TPPP: variants seen among roughly 807,000 people sequenced by gnomAD.
The protein encoded by TPPP is tubulin polymerization promoting protein, also known as tubulin polymerization-promoting protein.
TPPP carries 6 observed loss-of-function variants against 15.5 expected under a neutral mutation model. The ratio of observed to expected loss-of-function variants is 0.39; its 90% confidence interval spans 0.21 to 0.77. The LOEUF (loss-of-function observed/expected upper bound fraction) is 0.77. Ranked by LOEUF, TPPP falls within the 30% of genes least tolerant of loss-of-function variation. TPPP has a pLI of 0.42. For synonymous variants in TPPP, 146 were observed against 133.9 expected, an observed-to-expected ratio of 1.09 and a Z score of -0.63; for missense variants, 269 against 307.2, an observed-to-expected ratio of 0.88 and a Z score of 0.93.
chr5:688,582 TAGAACTGC>T (rs1296867571), intron 1 of TPPP, among the ~76,000 whole-genome samples: 1 of 151,934 alleles, frequency 6.6e-6, no homozygotes, highest in Non-Finnish European at 1.5e-5. Flanking sequence ...CGGCTGGCAC[TAGAACTGC>T]AGGTGGACTG....
chr5:670,333 C>T (rs2126881033), intron 2 of TPPP, among the ~76,000 whole-genome samples: 1 of 152,328 alleles, frequency 6.6e-6, no homozygotes, highest in African/African-American at 2.4e-5. Flanking sequence ...CCCCTGGGCT[C>T]TCTGGGCCTG....
chr5:676,927 C>A (rs984873625), intron 2 of TPPP, among the ~76,000 whole-genome samples: 12 of 145,456 alleles, frequency 8.2e-5, no homozygotes, highest in African/African-American at 3.3e-4. Flanking sequence ...CGCAGAAACG[C>A]ACGCGCGCAC....
chr5:692,860 C>T lies in TPPP; in HGVS notation c.-5+418G>A, dbSNP rs1026627240. On this transcript the variant is annotated intron_variant, in intron 1 of 3. Coordinates refer to ENST00000360578, the MANE Select transcript of TPPP (RefSeq NM_007030.3). ...CAGCCCTCCACGCCCTAATTTCCCACGCCTCACACCGGCGGCCCCCTAGGC... is the reference window on the plus strand; with the variant it reads ...CAGCCCTCCACGCCCTAATTTCCCATGCCTCACACCGGCGGCCCCCTAGGC... 17 of 879,594 alleles carry T rather than the reference C, an allele frequency of 1.9e-5. 1 individual carries two copies. The Admixed American group carries it at 1.3e-3, about 69-fold the overall frequency. The allele number at this position is 879,594 out of a possible 1,614,324, so 54.5% of individuals were successfully genotyped here. A position where few individuals can be genotyped will look rare whatever the true frequency, so the allele number is the denominator to read the frequency against.
Position 670,629 on chromosome 5 carries a change from C to T in TPPP, c.312-4506G>A, listed in dbSNP as rs1437774018. Reference sequence around the variant, plus strand: ...GCGGCCTTAGGGGAGCCCTGTCTGGCATCGCCATCCTGCACGTCGCTCCGA... The same window carrying T: ...GCGGCCTTAGGGGAGCCCTGTCTGGTATCGCCATCCTGCACGTCGCTCCGA... On this transcript the variant is annotated intron_variant, in intron 2 of 3. Coordinates refer to ENST00000360578, the MANE Select transcript of TPPP (RefSeq NM_007030.3). 2.6e-5 allele frequency among the ~76,000 whole-genome samples: 4 copies of T among 152,222 alleles called. No individual in the cohort carries two copies. In the Middle Eastern group the frequency reaches 0.01, roughly 388 times the overall value.
At chr5:698,014 G>A (rs544954609), upstream of TPPP, among the ~76,000 whole-genome samples, 12 of 144,948 alleles carry the variant, frequency 8.3e-5, no homozygotes, top group Admixed American at 2.1e-4. Flanking sequence ...TCCCAGGGAC[G>A]CAAATCAATA....
chr5:679,070 C>T (rs912384714), intron 1 of TPPP, among the ~76,000 whole-genome samples: 19 of 152,146 alleles, frequency 1.2e-4, no homozygotes, highest in Non-Finnish European at 2.2e-4. Context: ...ACACAAGAGC[C>T]GGTGGGAGGG....
chr5:685,796 G>A (rs1216771674), intron 1 of TPPP, among the ~76,000 whole-genome samples: 4 of 152,224 alleles, frequency 2.6e-5, no homozygotes, highest in Non-Finnish European at 5.9e-5. Flanking sequence ...GTAGGGATGA[G>A]AAGGCGGGGC....
chr5:679,660 G>A (rs1267887003), intron 1 of TPPP, among the ~76,000 whole-genome samples: 1 of 152,018 alleles, frequency 6.6e-6, no homozygotes, highest in Non-Finnish European at 1.5e-5. Flanking sequence ...GGGTGTGCGG[G>A]TCAGAGAGAA....
chr5:696,866 GTGTCT>G (rs1741021536), upstream of TPPP, among the ~76,000 whole-genome samples: 1 of 100,448 alleles, frequency 1.0e-5, no homozygotes, highest in African/African-American at 3.3e-5. Flanking sequence ...AGCTGTGTGT[GTGTCT>G]ATTTGTGTGT....
intron 2 of TPPP, among the ~76,000 whole-genome samples, chr5:670,373 G>C (rs1273415748): frequency 6.6e-6 from 1 of 152,220 alleles, no homozygotes; most frequent in Non-Finnish European, 1.5e-5. Flanking sequence ...GCCCTGTCCA[G>C]AGGCTGCCAC....
chr5:670,216 G>A (rs972874497), intron 2 of TPPP, among the ~76,000 whole-genome samples: 27 of 152,184 alleles, frequency 1.8e-4, no homozygotes, highest in African/African-American at 1.7e-4. Context: ...CACAGGCCCC[G>A]CTGGGCTCGG....
the TPPP span, among the ~76,000 whole-genome samples, chr5:698,393 A>G: frequency 6.6e-6 from 1 of 152,046 alleles, no homozygotes; most frequent in Non-Finnish European, 1.5e-5. Context: ...CTGTTGGTGA[A>G]ATTATATTCT....
chr5:692,063 T>A (rs1740893760), intron 1 of TPPP, among the ~76,000 whole-genome samples: 1 of 48,754 alleles, frequency 2.1e-5, no homozygotes, highest in Admixed American at 3.5e-4. Context: ...CAACCCCCTA[T>A]CAAAACAGCA....
chr5:671,692 T>C (rs1171704328), intron 2 of TPPP, among the ~76,000 whole-genome samples: 1 of 152,186 alleles, frequency 6.6e-6, no homozygotes, highest in Non-Finnish European at 1.5e-5. Context: ...CAGACGTCCA[T>C]GGCCAAGGGT....
intron 1 of TPPP, among the ~76,000 whole-genome samples, chr5:682,677 C>T (rs1251327475): frequency 3.3e-5 from 5 of 152,144 alleles, no homozygotes; most frequent in African/African-American, 1.2e-4. Context: ...GGCCTGGGGT[C>T]TCTCTCACTA....
At chr5:694,163 C>G (rs1273335844), upstream of TPPP, among the ~76,000 whole-genome samples, 2 of 150,880 alleles carry the variant, frequency 1.3e-5, no homozygotes, top group Admixed American at 1.3e-4. Context: ...CCCCCGCTCC[C>G]CAGACAGGCT....
In TPPP at chr5:685,963, C is replaced by A. The variant is rs577926459; in HGVS notation, c.-5+7315G>T. Among the ~76,000 whole-genome samples, 8 of 152,272 alleles carry A rather than the reference C, an allele frequency of 5.3e-5. No homozygotes were observed. In the East Asian group the frequency reaches 7.7e-4, roughly 15 times the overall value. On this transcript the variant is annotated intron_variant, in intron 1 of 3. Coordinates refer to ENST00000360578, the MANE Select transcript of TPPP (RefSeq NM_007030.3). ...ACAGACGCCGGGGCTGCCAGGGCCA[C>A]CAACTTTGCCACCGAATGGCCACCA...
chr5:692,195 T>C (rs1163199505), intron 1 of TPPP, among the ~76,000 whole-genome samples: 161 of 49,044 alleles, frequency 3.3e-3, no homozygotes, highest in Admixed American at 0.012. Flanking sequence ...CCAACCCCTA[T>C]CAAAACAGCA....
Position 679,457 on chromosome 5 carries a change from C to CCGCCTGGGGG in TPPP, c.-4-1394_-4-1393insCCCCCAGGCG, listed in dbSNP as rs1449406599. On this transcript the variant is annotated intron_variant, in intron 1 of 3. Transcript: ENST00000360578. ...GGGCAGGATCCTGGGGGTGGAAGGGCCAGGTCAGGTGTCGAGCTGGGAACA... is the reference window on the plus strand; with the variant it reads ...GGGCAGGATCCTGGGGGTGGAAGGGCCGCCTGGGGGCAGGTCAGGTGTCGAGCTGGGAACA... 2.8e-3 allele frequency among the ~76,000 whole-genome samples: 405 copies of CCGCCTGGGGG among 146,856 alleles called. 38 individuals are homozygous for CCGCCTGGGGG. In the East Asian group the frequency reaches 0.066, roughly 24 times the overall value.
Sources: allele counts gnomAD v4.1 joint callset (sites outside exome capture counted in the v4.1 genomes callset), GRCh38; gene constraint gnomAD v4.1.1; transcripts MANE v1.5; gene names NCBI Gene and HGNC (gene_info 2026-07-23, HGNC 2026-07-21).